FOS: variants seen among roughly 807,000 people sequenced by gnomAD.
FOS encodes the protein Fos proto-oncogene, AP-1 transcription factor subunit, also known as protein c-Fos.
FOS carries 9 observed loss-of-function variants against 27.2 expected under a neutral mutation model. The observed-to-expected ratio is 0.33, with a 90% CI of 0.20 to 0.58. FOS has a LOEUF of 0.58. Ranked by LOEUF, FOS falls within the 20% of genes least tolerant of loss-of-function variation. The pLI, the probability that FOS is intolerant of heterozygous loss-of-function variation, is 0.87. For missense variants in FOS, 405 were observed against 483.5 expected, an observed-to-expected ratio of 0.84 and a Z score of 1.52; for synonymous variants, 213 against 205.1, an observed-to-expected ratio of 1.04 and a Z score of -0.33.
At position 75,279,155 on chromosome 14, in the gene FOS, G is replaced by T. The variant is rs1897197301; in HGVS notation, c.141+32G>T. ...CTGGCTTCCCGTCGCCGCGGGGCCG[G>T]GGGCTTGGGGTCGCGGAGGAGGAGA... On this transcript the variant is annotated intron_variant, in intron 1 of 3. Transcript: ENST00000303562. The surrounding 1 kb of genome is among the most constrained non-coding windows in gnomAD (Gnocchi z 5.4). The T allele has an allele frequency of 6.2e-7, 1 of 1,609,530 alleles. No individual in the cohort carries two copies. The highest frequency in any genetic ancestry group is 1.1e-5 in the South Asian group (1 of 91,070).
In FOS at chr14:75,279,651, A is replaced by G. The variant is rs1000629494; in HGVS notation, c.142-226A>G. 5.2e-6 allele frequency: 3 copies of G among 581,922 alleles called. No homozygotes were observed. The highest frequency in any genetic ancestry group is 9.1e-6 in the Non-Finnish European group (3 of 328,494). The allele number at this position is 581,922 out of a possible 1,614,324, so 36.0% of individuals were successfully genotyped here. ...CCCCCTTTCAAGCAAGTGATGCTGAAGGGATAACGGGAACGCAGCGGCAGG... is the reference window on the plus strand; with the variant it reads ...CCCCCTTTCAAGCAAGTGATGCTGAGGGGATAACGGGAACGCAGCGGCAGG... On this transcript the variant is annotated intron_variant, in intron 1 of 3. Coordinates refer to ENST00000303562, the MANE Select transcript of FOS (RefSeq NM_005252.4). This position sits in a 1 kb window ranked among gnomAD's most constrained non-coding sequence, Gnocchi z 5.4.
Position 75,279,526 on chromosome 14 carries a change from C to A in FOS, c.142-351C>A. 1 of 434,562 alleles carries A rather than the reference C, an allele frequency of 2.3e-6. No homozygotes were observed. The highest frequency in any genetic ancestry group is 4.7e-5 in the East Asian group (1 of 21,118). The allele number at this position is 434,562 out of a possible 1,614,324, so 26.9% of individuals were successfully genotyped here. A position where few individuals can be genotyped will look rare whatever the true frequency, so the allele number is the denominator to read the frequency against. On this transcript the variant is annotated intron_variant, in intron 1 of 3. Coordinates refer to ENST00000303562, the MANE Select transcript of FOS (RefSeq NM_005252.4). This position sits in a 1 kb window ranked among gnomAD's most constrained non-coding sequence, Gnocchi z 5.4. ...GGATGAGGGAGGAGGGTGCAGCGGG[C>A]GGGTGTGTAAGGCAGTTTCATTGAT...
At position 75,280,114 on chromosome 14, in the gene FOS, G is replaced by A; in HGVS notation, c.379G>A (p.Gly127Ser). 6.2e-7 allele frequency: 1 copy of A among 1,613,904 alleles called. No homozygotes were observed. The highest frequency in any genetic ancestry group is 1.1e-5 in the South Asian group (1 of 91,088). ...CCGAGCGCAGAGCATTGGCAGGAGG[G>A]GCAAGGTGGAACAGGTGAGGAACTC... ...GGRAQSIGRRGKVEQLSPEEE... is the reference protein window; with the variant it reads ...GGRAQSIGRRSKVEQLSPEEE... The change falls in exon 2 of 4, where the codon GGC becomes AGC. Residue 127 changes from glycine (G) to serine (S), a missense_variant. Gly to Ser is a moderately conservative substitution (Grantham distance 56). Transcript: ENST00000303562.
Position 75,280,003 on chromosome 14 carries a change from A to G in FOS, c.268A>G (p.Thr90Ala). The G allele has an allele frequency of 6.2e-7, 1 of 1,614,080 alleles. No homozygotes were observed. The highest frequency in any genetic ancestry group is 8.5e-7 in the Non-Finnish European group (1 of 1,180,010). ...ALVSSVAPSQ[T>A]RAPHPFGVPA... ...CGTCTCCTCCGTGGCCCCATCGCAGACCAGAGCCCCTCACCCTTTCGGAGT... is the reference window on the plus strand; with the variant it reads ...CGTCTCCTCCGTGGCCCCATCGCAGGCCAGAGCCCCTCACCCTTTCGGAGT... Residue 90 changes from threonine (T) to alanine (A), a missense_variant, in exon 2 of 4, where the codon ACC (threonine) becomes GCC (alanine). Physicochemically the swap from Thr to Ala is moderately conservative, Grantham distance 58. Coordinates refer to ENST00000303562, the MANE Select transcript of FOS (RefSeq NM_005252.4).
rs1370988346 is a variant in FOS at position 75,279,575 on chromosome 14, C to T, written c.142-302C>T. 1 of 479,874 alleles carries T rather than the reference C, an allele frequency of 2.1e-6. No individual in the cohort carries two copies. Among genetic ancestry groups the T allele is most frequent in the East Asian group, 3.7e-5 (1 of 27,144 alleles). The allele number at this position is 479,874 out of a possible 1,614,324, so 29.7% of individuals were successfully genotyped here. A position where few individuals can be genotyped will look rare whatever the true frequency, so the allele number is the denominator to read the frequency against. ...ATAAAAAGCGAGTTCATTCTGGAGA[C>T]TCCGGAGCGGCGCCTGCGTCAGCGC... On this transcript the variant is annotated intron_variant, in intron 1 of 3. Transcript: ENST00000303562. This position sits in a 1 kb window ranked among gnomAD's most constrained non-coding sequence, Gnocchi z 5.4.
At position 75,279,547 on chromosome 14, in the gene FOS, T is replaced by A. The variant is rs1319584113; in HGVS notation, c.142-330T>A. ...CGGGCGGGTGTGTAAGGCAGTTTCATTGATAAAAAGCGAGTTCATTCTGGA... is the reference window on the plus strand; with the variant it reads ...CGGGCGGGTGTGTAAGGCAGTTTCAATGATAAAAAGCGAGTTCATTCTGGA... On this transcript the variant is annotated intron_variant, in intron 1 of 3. Coordinates refer to ENST00000303562, the MANE Select transcript of FOS (RefSeq NM_005252.4). The surrounding 1 kb of genome is among the most constrained non-coding windows in gnomAD (Gnocchi z 5.4). 2.3e-6 allele frequency: 1 copy of A among 441,624 alleles called. No homozygotes were observed. Among genetic ancestry groups the A allele is most frequent in the Non-Finnish European group, 4.1e-6 (1 of 246,130 alleles). 27.4% of individuals were successfully genotyped at this position (441,624 alleles called of 1,614,324 possible).
Position 75,279,320 on chromosome 14 carries a change from C to A in FOS, c.141+197C>A. 1 of 706,324 alleles carries A rather than the reference C, an allele frequency of 1.4e-6. No individual in the cohort carries two copies. Among genetic ancestry groups the A allele is most frequent in the Non-Finnish European group, 2.3e-6 (1 of 430,256 alleles). 43.8% of individuals were successfully genotyped at this position (706,324 alleles called of 1,614,324 possible). ...ACGCTTGCCATAGTAAGAATTGGTT[C>A]CCCCTTCGGGAGGCAGGTTCGTTCT... On this transcript the variant is annotated intron_variant, in intron 1 of 3. Transcript: ENST00000303562. The surrounding 1 kb of genome is among the most constrained non-coding windows in gnomAD (Gnocchi z 5.4).
Position 75,279,660 on chromosome 14 carries a change from G to T in FOS, c.142-217G>T. On this transcript the variant is annotated intron_variant, in intron 1 of 3. Transcript: ENST00000303562. The surrounding 1 kb of genome is among the most constrained non-coding windows in gnomAD (Gnocchi z 5.4). The stretch of plus-strand genomic sequence containing the variant: ...AAGCAAGTGATGCTGAAGGGATAAC[G>T]GGAACGCAGCGGCAGGATGGAAGAG... 1 of 589,880 alleles carries T rather than the reference G, an allele frequency of 1.7e-6. No individual in the cohort carries two copies. The highest frequency in any genetic ancestry group is 2.7e-5 in the East Asian group (1 of 36,536). 36.5% of individuals were successfully genotyped at this position (589,880 alleles called of 1,614,324 possible). A position where few individuals can be genotyped will look rare whatever the true frequency, so the allele number is the denominator to read the frequency against.
rs1368310803 is a variant in FOS, at chr14:75,281,267, C to T, written c.986C>T (p.Thr329Ile). The T allele has an allele frequency of 1.2e-6, 2 of 1,611,700 alleles. No homozygotes were observed. The highest frequency in any genetic ancestry group is 2.7e-5 in the African/African-American group (2 of 75,052). ...ELEPLCTPVV[T>I]CTPSCTAYTS... ...GAGCCCCTGTGCACTCCGGTGGTCA[C>T]CTGTACTCCCAGCTGCACTGCTTAC... The change falls in exon 4 of 4, where the codon ACC becomes ATC. Residue 329 changes from threonine (T) to isoleucine (I), a missense_variant. Physicochemically the swap from Thr to Ile is moderately conservative, Grantham distance 89 (BLOSUM62 -1). Coordinates refer to ENST00000303562, the MANE Select transcript of FOS (RefSeq NM_005252.4). This position sits in a 1 kb window ranked among gnomAD's most constrained non-coding sequence, Gnocchi z 4.7.
In FOS at chr14:75,281,537, A is replaced by G. The variant is rs574752718; in HGVS notation, c.*113A>G. 5.0e-6 allele frequency: 6 copies of G among 1,189,384 alleles called. No individual in the cohort carries two copies. Among genetic ancestry groups the G allele is most frequent in the South Asian group, 1.5e-5 (1 of 67,224 alleles). 73.7% of individuals were successfully genotyped at this position (1,189,384 alleles called of 1,614,324 possible). A position where few individuals can be genotyped will look rare whatever the true frequency, so the allele number is the denominator to read the frequency against. On this transcript the variant is annotated 3_prime_UTR_variant, in exon 4 of 4. Coordinates refer to ENST00000303562, the MANE Select transcript of FOS (RefSeq NM_005252.4). This position sits in a 1 kb window ranked among gnomAD's most constrained non-coding sequence, Gnocchi z 4.7. Reference sequence around the variant, plus strand: ...GAGGGTTCCTGTAGACCTAGGGAGGACCTTATCTGTGCGTGAAACACACCA... The same window carrying G: ...GAGGGTTCCTGTAGACCTAGGGAGGGCCTTATCTGTGCGTGAAACACACCA...
rs1160307776 is a variant in FOS, at chr14:75,280,133, G to A, written c.393+5G>A. 1.9e-6 allele frequency: 3 copies of A among 1,613,664 alleles called. No homozygotes were observed. Among genetic ancestry groups the A allele is most frequent in the Middle Eastern group, 1.6e-4 (1 of 6,062 alleles). ...AGGAGGGGCAAGGTGGAACAGGTGA[G>A]GAACTCTAGCGTACTCTTCCTGGGA... On this transcript the variant is annotated splice_donor_5th_base_variant and intron_variant, in intron 2 of 3. Transcript: ENST00000303562.
rs1214092771 is a variant in FOS at position 75,281,269 on chromosome 14, T to A, written c.988T>A (p.Cys330Ser). 1 of 1,611,630 alleles carries A rather than the reference T, an allele frequency of 6.2e-7. No individual in the cohort carries two copies. The highest frequency in any genetic ancestry group is 8.5e-7 in the Non-Finnish European group (1 of 1,180,010). The stretch of plus-strand genomic sequence containing the variant: ...GCCCCTGTGCACTCCGGTGGTCACC[T>A]GTACTCCCAGCTGCACTGCTTACAC... The part of the protein sequence containing the change: ...LEPLCTPVVT[C>S]TPSCTAYTSS... The change falls in exon 4 of 4, where the codon TGT becomes AGT. Residue 330 changes from cysteine to serine, a missense_variant. Physicochemically the swap from Cys to Ser is moderately radical, Grantham distance 112. Transcript: ENST00000303562. The surrounding 1 kb of genome is among the most constrained non-coding windows in gnomAD (Gnocchi z 4.7).
intron 3 of FOS, 54 bp downstream of exon 3, chr14:75,280,721 T>C (rs1566700652): frequency 1.9e-6 from 3 of 1,610,068 alleles, no homozygotes; most frequent in Admixed American, 3.3e-5. Context: ...AGTTGGAGAT[T>C]GAGCATAAGG....
At position 75,280,551 on chromosome 14, in the gene FOS, T is replaced by C. The variant is rs370343692; in HGVS notation, c.394-9T>C. Reference sequence around the variant, plus strand: ...ACTGAATGTCGGTCTTTTTTTGTGATTATTCTAGTTATCTCCAGAAGAAGA... The same window carrying C: ...ACTGAATGTCGGTCTTTTTTTGTGACTATTCTAGTTATCTCCAGAAGAAGA... On this transcript the variant is annotated splice_polypyrimidine_tract_variant and intron_variant, in intron 2 of 3. Transcript: ENST00000303562. 6.8e-6 allele frequency: 11 copies of C among 1,606,070 alleles called. No individual in the cohort carries two copies. The highest frequency in any genetic ancestry group is 9.4e-6 in the Non-Finnish European group (11 of 1,173,762).
At position 75,281,417 on chromosome 14, in the gene FOS, C is replaced by T. The variant is rs1222509631; in HGVS notation, c.1136C>T (p.Ala379Val). Residue 379 changes from alanine (A) to valine (V), a missense_variant, in exon 4 of 4, where the codon GCC becomes GTC. By Grantham distance (64) the Ala-to-Val change is moderately conservative (BLOSUM62 0). Transcript: ENST00000303562. This position sits in a 1 kb window ranked among gnomAD's most constrained non-coding sequence, Gnocchi z 4.7. ...SDSLSSPTLL[A>V]L Reference sequence around the variant, plus strand: ...TCGCTCAGCTCACCCACGCTGCTGGCCCTGTGAGGGGGCAGGGAAGGGGAG... The same window carrying T: ...TCGCTCAGCTCACCCACGCTGCTGGTCCTGTGAGGGGGCAGGGAAGGGGAG... The T allele has an allele frequency of 2.5e-6, 4 of 1,610,202 alleles. No individual in the cohort carries two copies. Among genetic ancestry groups the T allele is most frequent in the Non-Finnish European group, 3.4e-6 (4 of 1,179,432 alleles).
At chr14:75,280,731 G>C (rs1475163328) in intron 3 of FOS, 52 bp from the exon 4 acceptor site, 1 of 1,609,040 alleles carries the variant, frequency 6.2e-7, no homozygotes, top group African/African-American at 1.3e-5. Flanking sequence ...TGAGCATAAG[G>C]GCCCTTGAGT....
At position 75,280,594 on chromosome 14, in the gene FOS, G is replaced by T; in HGVS notation, c.428G>T (p.Arg143Leu). The T allele has an allele frequency of 6.2e-7, 1 of 1,614,062 alleles. No homozygotes were observed. Among genetic ancestry groups the T allele is most frequent in the Non-Finnish European group, 8.5e-7 (1 of 1,179,952 alleles). Reference protein sequence around the residue: ...SPEEEEKRRIRRERNKMAAAK... With the variant: ...SPEEEEKRRILRERNKMAAAK... The stretch of plus-strand genomic sequence containing the variant: ...GAAGAAGAAGAGAAAAGGAGAATCC[G>T]AAGGGAAAGGAATAAGATGGCTGCA... The change falls in exon 3 of 4, where the codon CGA becomes CTA. Residue 143 changes from arginine to leucine, a missense_variant. Physicochemically the swap from Arg to Leu is moderately radical, Grantham distance 102. Coordinates refer to ENST00000303562, the MANE Select transcript of FOS (RefSeq NM_005252.4).
Position 75,279,787 on chromosome 14 carries a change from T to C in FOS, c.142-90T>C, listed in dbSNP as rs1897205028. On this transcript the variant is annotated intron_variant, in intron 1 of 3. Transcript: ENST00000303562. This position sits in a 1 kb window ranked among gnomAD's most constrained non-coding sequence, Gnocchi z 5.4. Reference sequence around the variant, plus strand: ...AATGTCCGTGGCAGGATCGTTTCTCTTCACTGCTGCATGCGGCACTGGGAA... The same window carrying C: ...AATGTCCGTGGCAGGATCGTTTCTCCTCACTGCTGCATGCGGCACTGGGAA... The C allele has an allele frequency of 3.5e-6, 5 of 1,419,066 alleles. No homozygotes were observed. The African/African-American group carries it at 4.3e-5, about 12-fold the overall frequency. 87.9% of individuals were successfully genotyped at this position (1,419,066 alleles called of 1,614,324 possible). A position where few individuals can be genotyped will look rare whatever the true frequency, so the allele number is the denominator to read the frequency against.
chr14:75,281,787 C>T lies in FOS; in HGVS notation c.*363C>T, dbSNP rs535891926. ...CTATTGGGTTCATTATTGGAATTAA[C>T]CTGGTGCTGGATATTTTCAAATTGT... is the stretch of plus-strand genomic sequence containing the variant. On this transcript the variant is annotated 3_prime_UTR_variant, in exon 4 of 4. Transcript: ENST00000303562. The surrounding 1 kb of genome is among the most constrained non-coding windows in gnomAD (Gnocchi z 4.7). The T allele has an allele frequency of 4.0e-6, 1 of 249,562 alleles. No individual in the cohort carries two copies. The highest frequency in any genetic ancestry group is 8.7e-5 in the East Asian group (1 of 11,544). 15.5% of individuals were successfully genotyped at this position (249,562 alleles called of 1,614,324 possible).
Sources: allele counts gnomAD v4.1 joint callset, GRCh38; gene constraint gnomAD v4.1.1; non-coding constraint Gnocchi (gnomAD v3.1); transcripts MANE v1.5; gene names NCBI Gene and HGNC (gene_info 2026-07-23, HGNC 2026-07-21).